Variants in MARVELD3 observed in about 807,000 individuals in gnomAD.
MARVELD3 encodes the protein MARVEL domain containing 3, also known as MARVEL domain-containing protein 3.
In MARVELD3, 28 loss-of-function variants were observed where a neutral mutation model predicts 33.5. That is an observed-to-expected ratio of 0.84 (90% CI 0.62 to 1.15). The LOEUF is 1.15. MARVELD3 is among the 50% of genes most tolerant of loss of function. The pLI, the probability that MARVELD3 is intolerant of heterozygous loss-of-function variation, is 0.00. For missense variants in MARVELD3, 582 were observed against 547.6 expected, an observed-to-expected ratio of 1.06 and a Z score of -0.63; for synonymous variants, 241 against 230.4, an observed-to-expected ratio of 1.05 and a Z score of -0.42.
rs924291255 is a variant in MARVELD3, at chr16:71,635,105, A to T, written c.*302A>T. On this transcript the variant is annotated 3_prime_UTR_variant, in exon 3 of 3. Transcript: ENST00000268485. Reference sequence around the variant, plus strand: ...CACTTTGGGAGGCTGAGGTGGGTGGATCACTTGAGGTCAGGAGCTCGAGAC... The same window carrying T: ...CACTTTGGGAGGCTGAGGTGGGTGGTTCACTTGAGGTCAGGAGCTCGAGAC... 4.9e-4 allele frequency: 490 copies of T among 1,005,216 alleles called. 2 individuals carry two copies. The highest frequency in any genetic ancestry group is 5.7e-4 in the Non-Finnish European group (476 of 828,776). 62.3% of individuals were successfully genotyped at this position (1,005,216 alleles called of 1,614,324 possible). A position where few individuals can be genotyped will look rare whatever the true frequency, so the allele number is the denominator to read the frequency against.
downstream of MARVELD3, chr16:71,641,335 C>G (rs2145291396): frequency 3.5e-6 from 1 of 284,014 alleles, no homozygotes; most frequent in East Asian, 8.7e-5. Context: ...CGCCTGTAAT[C>G]CCAGCACTTT....
At chr16:71,634,128 C>T (rs2145280618) in intron 2 of MARVELD3, 65 bp from the exon 3 acceptor site, 1 of 1,547,322 alleles carries the variant, frequency 6.5e-7, no homozygotes, top group Non-Finnish European at 8.7e-7. Context: ...AGGTGGGCCT[C>T]AGGTGGAAGA....
In MARVELD3 at chr16:71,635,009, G is replaced by C; in HGVS notation, c.*206G>C. 1 of 1,304,268 alleles carries C rather than the reference G, an allele frequency of 7.7e-7. No individual in the cohort carries two copies. Among genetic ancestry groups the C allele is most frequent in the African/African-American group, 1.5e-5 (1 of 67,690 alleles). 80.8% of individuals were successfully genotyped at this position (1,304,268 alleles called of 1,614,324 possible). On this transcript the variant is annotated 3_prime_UTR_variant, in exon 3 of 3. Transcript: ENST00000268485. ...GCTTCTGGAGTCCTCTGTGAGTGAGGGACCAATCAAAATTATTTTTCAAAA... is the reference window on the plus strand; with the variant it reads ...GCTTCTGGAGTCCTCTGTGAGTGAGCGACCAATCAAAATTATTTTTCAAAA...
At chr16:71,640,675 T>C, downstream of MARVELD3, 3 of 1,614,050 alleles carry the variant, frequency 1.9e-6, no homozygotes, top group East Asian at 2.2e-5. Context: ...AGTCGAACAA[T>C]GTTGTCAGGG....
Position 71,626,464 on chromosome 16 carries a change from A to G in MARVELD3, c.235A>G (p.Arg79Gly), listed in dbSNP as rs2044471292. The change falls in exon 1 of 3, where the codon AGA (arginine) becomes GGA (glycine). Residue 79 changes from arginine to glycine, a missense_variant. By Grantham distance (125) the Arg-to-Gly change is moderately radical. Coordinates refer to ENST00000268485, the MANE Select transcript of MARVELD3 (RefSeq NM_052858.6). The surrounding 1 kb of genome is among the most constrained non-coding windows in gnomAD (Gnocchi z 5.3). ...RDRNRDRERE[R>G]ERERDPDRGP... ...CCGGAACCGGGACCGGGAGAGGGAG[A>G]GAGAGAGGGAAAGAGACCCGGACCG... The G allele has an allele frequency of 6.5e-7, 1 of 1,549,124 alleles. No homozygotes were observed. Among genetic ancestry groups the G allele is most frequent in the Non-Finnish European group, 8.7e-7 (1 of 1,146,634 alleles).
At chr16:71,641,317 G>A, downstream of MARVELD3, 1 of 341,674 alleles carries the variant, frequency 2.9e-6, no homozygotes, top group South Asian at 3.3e-5. Context: ...GCCGGGCATG[G>A]TGGCTCACGC....
downstream of MARVELD3, among the ~76,000 whole-genome samples, chr16:71,639,881 G>T (rs555758158): frequency 1.5e-3 from 222 of 152,322 alleles, 1 homozygote; most frequent in African/African-American, 5.2e-3. Flanking sequence ...AAGCTACAAT[G>T]AATATTTATG....
Position 71,629,393 on chromosome 16 carries a change from C to T in MARVELD3, c.494C>T (p.Pro165Leu). 2 of 1,569,504 alleles carry T rather than the reference C, an allele frequency of 1.3e-6. No homozygotes were observed. Among genetic ancestry groups the T allele is most frequent in the Non-Finnish European group, 8.6e-7 (1 of 1,162,356 alleles). Residue 165 changes from proline to leucine, a missense_variant, in exon 2 of 3, where the codon CCC (proline) becomes CTC (leucine). Physicochemically the swap from Pro to Leu is moderately conservative, Grantham distance 98 (BLOSUM62 -3). Coordinates refer to ENST00000268485, the MANE Select transcript of MARVELD3 (RefSeq NM_052858.6). ...GAACCCCCTTCGGAGAGATATCTGC[C>T]CTCGACCCCCAGGCCTGGACGAGAG... Reference protein sequence around the residue: ...ESEPPSERYLPSTPRPGREEV... With the variant: ...ESEPPSERYLLSTPRPGREEV...
intron 1 of MARVELD3, among the ~76,000 whole-genome samples, chr16:71,627,200 T>C (rs937861046): frequency 6.6e-6 from 1 of 152,142 alleles, no homozygotes; most frequent in Non-Finnish European, 1.5e-5. Flanking sequence ...CTCCCAGGAA[T>C]AGGTGCCTTC....
chr16:71,638,359 C>A (rs995632224), downstream of MARVELD3: 1 of 152,432 alleles, frequency 6.6e-6, no homozygotes, highest in Non-Finnish European at 1.5e-5. Flanking sequence ...TGTGGCTCCT[C>A]TTGTAGGAAC....
chr16:71,634,654 G>C lies in MARVELD3; in HGVS notation c.1057G>C (p.Gly353Arg). 6.2e-7 allele frequency: 1 copy of C among 1,614,168 alleles called. No individual in the cohort carries two copies. The highest frequency in any genetic ancestry group is 8.5e-7 in the Non-Finnish European group (1 of 1,180,038). ...LYQSKGYSGF[G>R]CSFHGADIGA... Reference sequence around the variant, plus strand: ...CCAAAGCAAAGGCTACAGCGGTTTCGGCTGCAGTTTCCACGGAGCAGATAT... The same window carrying C: ...CCAAAGCAAAGGCTACAGCGGTTTCCGCTGCAGTTTCCACGGAGCAGATAT... Residue 353 changes from glycine to arginine, a missense_variant, in exon 3 of 3, where the codon GGC becomes CGC. By Grantham distance (125) the Gly-to-Arg change is moderately radical. Transcript: ENST00000268485.
At chr16:71,640,024 T>A (rs1285637072), downstream of MARVELD3, among the ~76,000 whole-genome samples, 1 of 152,086 alleles carries the variant, frequency 6.6e-6, no homozygotes. Context: ...ATCTCAGGAC[T>A]TTGGGAGGCC....
chr16:71,635,597 A>G lies in MARVELD3; in HGVS notation c.*794A>G, dbSNP rs1308029850. ...ACTCTAGCCTGAGCAACAGACCAAG[A>G]CCGTATTGCCAAAATACCAAAAAAA... is the stretch of plus-strand genomic sequence containing the variant. On this transcript the variant is annotated 3_prime_UTR_variant, in exon 3 of 3. Transcript: ENST00000268485. The G allele has an allele frequency of 1.0e-6, 1 of 983,638 alleles. No individual in the cohort carries two copies. The allele number at this position is 983,638 out of a possible 1,614,324, so 60.9% of individuals were successfully genotyped here.
chr16:71,634,465 A>G lies in MARVELD3; in HGVS notation c.868A>G (p.Met290Val), dbSNP rs761126871. The change falls in exon 3 of 3, where the codon ATG (methionine) becomes GTG (valine). Residue 290 changes from methionine (M) to valine (V), a missense_variant. Transcript: ENST00000268485. ...AGCCCTCTGCTGCCTCTTCGTTGCCATGGGTGTCCTGCGGGTCCCGTGGCA... is the reference window on the plus strand; with the variant it reads ...AGCCCTCTGCTGCCTCTTCGTTGCCGTGGGTGTCCTGCGGGTCCCGTGGCA... ...LTALCCLFVA[M>V]GVLRVPWHCP... 4.3e-6 allele frequency: 7 copies of G among 1,614,150 alleles called. No individual in the cohort carries two copies. The highest frequency in any genetic ancestry group is 2.2e-5 in the East Asian group (1 of 44,878).
chr16:71,632,924 T>A (rs968260409), intron 2 of MARVELD3, among the ~76,000 whole-genome samples: 1 of 152,070 alleles, frequency 6.6e-6, no homozygotes, highest in African/African-American at 2.4e-5. Flanking sequence ...TTTTTCTTAT[T>A]TCTAATACAC....
At position 71,635,382 on chromosome 16, in the gene MARVELD3, T is replaced by C. The variant is rs1319065308; in HGVS notation, c.*579T>C. The C allele has an allele frequency of 2.0e-6, 2 of 983,462 alleles. No individual in the cohort carries two copies. The highest frequency in any genetic ancestry group is 4.7e-5 in the South Asian group (1 of 21,190). The allele number at this position is 983,462 out of a possible 1,614,324, so 60.9% of individuals were successfully genotyped here. Reference sequence around the variant, plus strand: ...CCCCAAGAGCCACAAGGAAAAAGCATGTACTACAACAGAGTGCACCTCTTC... The same window carrying C: ...CCCCAAGAGCCACAAGGAAAAAGCACGTACTACAACAGAGTGCACCTCTTC... On this transcript the variant is annotated 3_prime_UTR_variant, in exon 3 of 3. Transcript: ENST00000268485.
At chr16:71,632,069 G>A (rs960902595) in intron 2 of MARVELD3, among the ~76,000 whole-genome samples, 2 of 152,136 alleles carry the variant, frequency 1.3e-5, no homozygotes, top group African/African-American at 4.8e-5. Flanking sequence ...GGACATAACC[G>A]TATTATTCCA....
At chr16:71,629,104 C>T in intron 1 of MARVELD3, 1 of 402,846 alleles carries the variant, frequency 2.5e-6, no homozygotes. Flanking sequence ...TCGCAGCTAC[C>T]TGGTGAGACA....
intron 2 of MARVELD3, 46 bp downstream of exon 2, chr16:71,629,540 T>C (rs1172091827): frequency 6.5e-7 from 1 of 1,526,964 alleles, no homozygotes; most frequent in Admixed American, 2.4e-5. Flanking sequence ...TCACTGGTGG[T>C]TCTGGAAGGG....
Sources: allele counts gnomAD v4.1 joint callset (sites outside exome capture counted in the v4.1 genomes callset), GRCh38; gene constraint gnomAD v4.1.1; non-coding constraint Gnocchi (gnomAD v3.1); transcripts MANE v1.5; gene names NCBI Gene and HGNC (gene_info 2026-07-23, HGNC 2026-07-21).